The following BEND3 variants were observed in gnomAD, a reference collection of about 807,000 sequenced individuals.
The protein encoded by BEND3 is BEN domain-containing protein 3.
BEND3 carries 13 observed loss-of-function variants against 60.1 expected under a neutral mutation model. The observed-to-expected ratio is 0.22, with a 90% CI of 0.14 to 0.34. BEND3 has a LOEUF of 0.34. BEND3 is among the 10% of genes least tolerant of loss of function. The probability of loss-of-function intolerance (pLI) is 1.00; values close to 1 mark genes in which losing one functional copy is unlikely to be tolerated. For synonymous variants in BEND3, 497 were observed against 491.5 expected, an observed-to-expected ratio of 1.01 and a Z score of -0.15; for missense variants, 896 against 1,138.1, an observed-to-expected ratio of 0.79 and a Z score of 3.06.
intron 3 of BEND3, among the ~76,000 whole-genome samples, chr6:107,087,211 T>G (rs2115014739): frequency 6.8e-6 from 1 of 147,880 alleles, no homozygotes; most frequent in Admixed American, 6.7e-5. Flanking sequence ...CCTAACTATT[T>G]GGCAGGCTGA....
chr6:107,090,363 A>G (rs1353430533), intron 3 of BEND3, among the ~76,000 whole-genome samples: 1 of 152,212 alleles, frequency 6.6e-6, no homozygotes, highest in Non-Finnish European at 1.5e-5. Context: ...AAATAAATAA[A>G]TAAATAAAAT....
chr6:107,085,057 A>G lies in BEND3; in HGVS notation c.240+13494T>C, dbSNP rs554660978. Among the ~76,000 whole-genome samples, 248 of 152,330 alleles carry G rather than the reference A, an allele frequency of 1.6e-3. 1 individual carries two copies. The highest frequency in any genetic ancestry group is 5.8e-3 in the African/African-American group (241 of 41,580). Reference sequence around the variant, plus strand: ...ACTCATCACGACGGTCTGCGGCTTCATTCCTGAAGTCAGCGAGACCACGAA... The same window carrying G: ...ACTCATCACGACGGTCTGCGGCTTCGTTCCTGAAGTCAGCGAGACCACGAA... On this transcript the variant is annotated intron_variant, in intron 3 of 3. Transcript: ENST00000369042.
At position 107,084,944 on chromosome 6, in the gene BEND3, C is replaced by T. The variant is rs190353372; in HGVS notation, c.240+13607G>A. The stretch of plus-strand genomic sequence containing the variant: ...GGCAACCCATTCGGGTCCCCTTCCA[C>T]GCTGTGGAAGCTTTGTTCTCTCGCT... On this transcript the variant is annotated intron_variant, in intron 3 of 3. Transcript: ENST00000369042. Among the ~76,000 whole-genome samples, 5 of 152,342 alleles carry T rather than the reference C, an allele frequency of 3.3e-5. No individual in the cohort carries two copies. In the East Asian group the frequency reaches 7.7e-4, roughly 24 times the overall value.
intron 1 of BEND3, among the ~76,000 whole-genome samples, chr6:107,100,803 T>G (rs1554236676): frequency 2.6e-5 from 4 of 152,226 alleles, no homozygotes; most frequent in Non-Finnish European, 1.5e-5. Flanking sequence ...TCTTTAATGT[T>G]GACACTTGGG....
At chr6:107,081,661 C>T (rs1762716) in intron 3 of BEND3, among the ~76,000 whole-genome samples, 1 of 151,958 alleles carries the variant, frequency 6.6e-6, no homozygotes, top group South Asian at 2.1e-4. Flanking sequence ...ATGAGAAATA[C>T]GCCAATGCAT....
At chr6:107,109,176 G>A (rs1337046070) in intron 1 of BEND3, among the ~76,000 whole-genome samples, 2 of 151,812 alleles carry the variant, frequency 1.3e-5, no homozygotes, top group East Asian at 2.0e-4. Flanking sequence ...CGGTCTGGGC[G>A]TGGTGGCTCA....
In BEND3 at chr6:107,069,091, C is replaced by A; in HGVS notation, c.2100G>T (p.Lys700Asn). ...PPERSSKDFC[K>N]IPLDELVVPS... ...GGACCACCAGCTCGTCCAAGGGGATCTTGCAAAAGTCCTTGCTGCTCCTCT... is the reference window on the plus strand; with the variant it reads ...GGACCACCAGCTCGTCCAAGGGGATATTGCAAAAGTCCTTGCTGCTCCTCT... Residue 700 changes from lysine (K) to asparagine (N), a missense_variant, in exon 4 of 4, where the codon AAG (lysine) becomes AAT (asparagine). Lys to Asn is a moderately conservative substitution (Grantham distance 94). Around this residue, in one of 4 missense-constraint regions of BEND3, gnomAD observed 846 missense variants for 1,036.7 expected, o/e 0.82. Transcript: ENST00000369042. The A allele has an allele frequency of 6.2e-7, 1 of 1,613,080 alleles. No individual in the cohort carries two copies. Among genetic ancestry groups the A allele is most frequent in the East Asian group, 2.2e-5 (1 of 44,858 alleles).
At chr6:107,103,902 C>T (rs188258180) in intron 1 of BEND3, among the ~76,000 whole-genome samples, 245 of 146,828 alleles carry the variant, frequency 1.7e-3, no homozygotes, top group Admixed American at 3.3e-3. Context: ...GAGCCGAGAT[C>T]GCGCCATTCA....
intron 1 of BEND3, among the ~76,000 whole-genome samples, chr6:107,108,386 T>C (rs149608575): frequency 8.8e-4 from 134 of 152,296 alleles, no homozygotes; most frequent in Non-Finnish European, 1.7e-3. Flanking sequence ...ACTCTGCGTA[T>C]TAACCTTGGC....
At chr6:107,104,018 G>A (rs1288055866) in intron 1 of BEND3, among the ~76,000 whole-genome samples, 6 of 151,390 alleles carry the variant, frequency 4.0e-5, no homozygotes, top group Admixed American at 2.0e-4. Flanking sequence ...AAGGCCGGGC[G>A]TGGTAGCTCA....
intron 1 of BEND3, among the ~76,000 whole-genome samples, chr6:107,105,852 C>A (rs1469143176): frequency 6.6e-6 from 1 of 152,182 alleles, no homozygotes; most frequent in Non-Finnish European, 1.5e-5. Flanking sequence ...TCCCCCTTAC[C>A]CCTAAGAGCT....
chr6:107,071,025 G>C, intron 3 of BEND3, 75 bp from the exon 4 acceptor site: 1 of 1,362,098 alleles, frequency 7.3e-7, no homozygotes. Context: ...GGTCTGTGTA[G>C]CACACAGAGG....
intron 1 of BEND3, among the ~76,000 whole-genome samples, chr6:107,100,229 A>C (rs1775676848): frequency 6.6e-6 from 1 of 152,094 alleles, no homozygotes. Flanking sequence ...TTACTGGGCT[A>C]AATACAATAC....
chr6:107,080,110 C>T (rs782390074), intron 3 of BEND3, among the ~76,000 whole-genome samples: 2 of 151,924 alleles, frequency 1.3e-5, no homozygotes, highest in Middle Eastern at 3.2e-3. Context: ...GAAAACATTA[C>T]ATATGGCTGG....
At chr6:107,095,351 A>G (rs1442387166) in intron 3 of BEND3, among the ~76,000 whole-genome samples, 1 of 152,136 alleles carries the variant, frequency 6.6e-6, no homozygotes, top group Non-Finnish European at 1.5e-5. Flanking sequence ...TTTTTAAACT[A>G]AACAAAGAAA....
At chr6:107,084,538 T>C (rs1242599481) in intron 3 of BEND3, among the ~76,000 whole-genome samples, 1 of 148,848 alleles carries the variant, frequency 6.7e-6, no homozygotes, top group South Asian at 2.1e-4. Flanking sequence ...AGCCAAAGGA[T>C]TGTAAACACA....
rs1554231459 is a variant in BEND3 at position 107,069,428 on chromosome 6, T to A, written c.1763A>T (p.His588Leu). The A allele has an allele frequency of 1.9e-6, 3 of 1,612,516 alleles. No individual in the cohort carries two copies. Among genetic ancestry groups the A allele is most frequent in the Non-Finnish European group, 2.5e-6 (3 of 1,180,028 alleles). Residue 588 changes from histidine to leucine, a missense_variant, in exon 4 of 4, where the codon CAC (histidine) becomes CTC (leucine). By Grantham distance (99) the His-to-Leu change is moderately conservative (BLOSUM62 -3). This residue lies in a region of BEND3 where 846 missense variants were observed against 1,036.7 expected (regional missense o/e 0.82). Transcript: ENST00000369042. ...LVHLFPELFT[H>L]ENLRKQYNCS... ...GTTGTACTGCTTGCGCAGGTTCTCG[T>A]GCGTGAAGAGCTCGGGGAACAGGTG... is the stretch of plus-strand genomic sequence containing the variant.
At position 107,070,899 on chromosome 6, in the gene BEND3, T is replaced by G; in HGVS notation, c.292A>C (p.Asn98His). The change falls in exon 4 of 4, where the codon AAT (asparagine) becomes CAT (histidine). Residue 98 changes from asparagine to histidine, a missense_variant. Physicochemically the swap from Asn to His is moderately conservative, Grantham distance 68. Transcript: ENST00000369042. The surrounding 1 kb of genome is among the most constrained non-coding windows in gnomAD (Gnocchi z 6.9). Reference sequence around the variant, plus strand: ...CTGCCCCTGCCGGCCTGCTCACCATTGCCTTGGCAGGGCGAGCTGTTCTCA... The same window carrying G: ...CTGCCCCTGCCGGCCTGCTCACCATGGCCTTGGCAGGGCGAGCTGTTCTCA... The part of the protein sequence containing the change: ...NRENSSPCQG[N>H]GEQAGRGRSL... 2 of 1,613,892 alleles carry G rather than the reference T, an allele frequency of 1.2e-6. No individual in the cohort carries two copies. Among genetic ancestry groups the G allele is most frequent in the Non-Finnish European group, 1.7e-6 (2 of 1,179,970 alleles).
intron 1 of BEND3, among the ~76,000 whole-genome samples, chr6:107,114,742 G>T (rs1371939663): frequency 1.9e-4 from 28 of 146,136 alleles, no homozygotes; most frequent in African/African-American, 6.4e-4. Context: ...GGGGCGGGCG[G>T]CGGCGGCGGC....
Sources: allele counts gnomAD v4.1 joint callset (sites outside exome capture counted in the v4.1 genomes callset), GRCh38; gene constraint gnomAD v4.1.1; regional missense constraint gnomAD v4.1.1; non-coding constraint Gnocchi (gnomAD v3.1); transcripts MANE v1.5; gene names NCBI Gene and HGNC (gene_info 2026-07-23, HGNC 2026-07-21).